GRAMD1C: variants seen among roughly 807,000 people sequenced by gnomAD.
GRAMD1C encodes protein Aster-C.
A neutral mutation model predicts 97.8 loss-of-function variants in GRAMD1C; 89 were observed. The observed-to-expected ratio is 0.91, with a 90% confidence interval of 0.77 to 1.09. The LOEUF is 1.09. Ranked by LOEUF, GRAMD1C falls within the 50% of genes least tolerant of loss-of-function variation. The probability of loss-of-function intolerance (pLI) is 0.00; values close to 1 mark genes in which losing one functional copy is unlikely to be tolerated. For synonymous variants in GRAMD1C, 256 were observed against 267.0 expected, an observed-to-expected ratio of 0.96 and a Z score of 0.40; for missense variants, 740 against 766.4, an observed-to-expected ratio of 0.97 and a Z score of 0.41.
At chr3:113,881,930 T>C (rs938361420) in intron 5 of GRAMD1C, among the ~76,000 whole-genome samples, 1 of 152,180 alleles carries the variant, frequency 6.6e-6, no homozygotes, top group Non-Finnish European at 1.5e-5. Flanking sequence ...GTGAAAATCA[T>C]TAGCATCCAA....
intron 4 of GRAMD1C, 66 bp from the exon 5 acceptor site, chr3:113,876,099 A>C: frequency 1.3e-6 from 1 of 744,108 alleles, no homozygotes; most frequent in East Asian, 2.5e-5. Flanking sequence ...GATTGATGGG[A>C]TACTTGGCAT....
At chr3:113,907,591 C>T (rs1445008037) in intron 8 of GRAMD1C, among the ~76,000 whole-genome samples, 2 of 151,958 alleles carry the variant, frequency 1.3e-5, no homozygotes, top group African/African-American at 4.8e-5. Flanking sequence ...CTTGCTTTGC[C>T]TCATTTTCAC....
chr3:113,882,027 G>A (rs568247286), intron 5 of GRAMD1C, among the ~76,000 whole-genome samples: 54 of 152,112 alleles, frequency 3.6e-4, no homozygotes, highest in South Asian at 1.2e-3. Context: ...TAACTGCTGA[G>A]CCATGAAAGG....
At chr3:113,925,547 G>A (rs1315063975) in intron 10 of GRAMD1C, among the ~76,000 whole-genome samples, 1 of 152,178 alleles carries the variant, frequency 6.6e-6, no homozygotes, top group Non-Finnish European at 1.5e-5. Flanking sequence ...ACTTTCCACT[G>A]CCTTTTAATT....
chr3:113,874,735 A>G (rs1934961475), intron 3 of GRAMD1C, among the ~76,000 whole-genome samples: 1 of 152,130 alleles, frequency 6.6e-6, no homozygotes, highest in Non-Finnish European at 1.5e-5. Flanking sequence ...CTAACATCTA[A>G]TCAATCACCA....
intron 13 of GRAMD1C, among the ~76,000 whole-genome samples, chr3:113,935,673 T>C (rs950999247): frequency 6.6e-6 from 1 of 151,938 alleles, no homozygotes; most frequent in Non-Finnish European, 1.5e-5. Context: ...TTGCCTTTCT[T>C]CCTTGTCTAT....
chr3:113,930,154 T>C (rs980097614), intron 10 of GRAMD1C, among the ~76,000 whole-genome samples: 2 of 152,228 alleles, frequency 1.3e-5, no homozygotes, highest in African/African-American at 4.8e-5. Context: ...TATGATCTTA[T>C]AGTCTTCTTA....
chr3:113,835,944 C>T (rs1214443391), upstream of GRAMD1C, among the ~76,000 whole-genome samples: 2 of 152,110 alleles, frequency 1.3e-5, no homozygotes, highest in Non-Finnish European at 2.9e-5. Flanking sequence ...AGTAATTTGT[C>T]CTTTAGTATG....
In GRAMD1C at chr3:113,860,917, G is replaced by A. The variant is rs556149344; in HGVS notation, c.175-8590G>A. On this transcript the variant is annotated intron_variant, in intron 2 of 17. Coordinates refer to ENST00000358160, the MANE Select transcript of GRAMD1C (RefSeq NM_017577.5). ...GGAGGCAGAGGTTGCAGTGAGCCGA[G>A]ATCATGCCATTGCACTACAGCCTGG... Among the ~76,000 whole-genome samples the A allele has an allele frequency of 7.3e-4, 110 of 150,100 alleles. No homozygotes were observed. The South Asian group carries it at 0.023, about 31-fold the overall frequency.
chr3:113,941,854 G>C (rs2107385868), intron 17 of GRAMD1C, among the ~76,000 whole-genome samples: 1 of 152,032 alleles, frequency 6.6e-6, no homozygotes, highest in East Asian at 1.9e-4. Flanking sequence ...CTCGACCTCA[G>C]GTGATCCTCT....
intron 2 of GRAMD1C, among the ~76,000 whole-genome samples, chr3:113,863,566 T>C (rs1934477535): frequency 6.6e-6 from 1 of 152,218 alleles, no homozygotes; most frequent in Non-Finnish European, 1.5e-5. Flanking sequence ...TTGCACAGTT[T>C]TGTGAGTATA....
At chr3:113,945,335 A>C in intron 17 of GRAMD1C, 63 bp from the exon 18 acceptor site, 7 of 1,054,590 alleles carry the variant, frequency 6.6e-6, no homozygotes, top group Non-Finnish European at 1.0e-5. Flanking sequence ...GGCATAAAAA[A>C]CAGAAATTTT....
chr3:113,907,804 A>G (rs140560492), intron 8 of GRAMD1C, among the ~76,000 whole-genome samples: 3 of 152,320 alleles, frequency 2.0e-5, no homozygotes, highest in Non-Finnish European at 4.4e-5. Context: ...TATTCTTTAT[A>G]GTAGGAAATA....
At chr3:113,887,055 C>T (rs1577165781) in intron 6 of GRAMD1C, among the ~76,000 whole-genome samples, 1 of 144,582 alleles carries the variant, frequency 6.9e-6, no homozygotes, top group Admixed American at 7.1e-5. Flanking sequence ...GCTGGGATTA[C>T]AGGCATGAGC....
chr3:113,858,675 T>C (rs2107348872), intron 2 of GRAMD1C, among the ~76,000 whole-genome samples: 1 of 152,242 alleles, frequency 6.6e-6, no homozygotes, highest in South Asian at 2.1e-4. Context: ...ATTACAGGCG[T>C]GAGCCACTGC....
intron 3 of GRAMD1C, among the ~76,000 whole-genome samples, chr3:113,870,990 C>G (rs1934782297): frequency 1.8e-5 from 1 of 56,222 alleles, no homozygotes; most frequent in Non-Finnish European, 4.2e-5. Flanking sequence ...CACACACACA[C>G]ACACACACAC....
chr3:113,888,036 C>T (rs1935581650), intron 6 of GRAMD1C, among the ~76,000 whole-genome samples: 1 of 151,946 alleles, frequency 6.6e-6, no homozygotes, highest in Non-Finnish European at 1.5e-5. Context: ...GCCCAGGTGG[C>T]TTCATTGGTG....
intron 6 of GRAMD1C, among the ~76,000 whole-genome samples, chr3:113,883,540 A>C (rs1559793519): frequency 2.0e-5 from 3 of 151,664 alleles, no homozygotes; most frequent in Non-Finnish European, 4.4e-5. Context: ...AAAAAAAAAA[A>C]CAACCATGAT....
intron 11 of GRAMD1C, among the ~76,000 whole-genome samples, chr3:113,933,064 T>C (rs1049936321): frequency 6.6e-6 from 1 of 152,098 alleles, no homozygotes; most frequent in African/African-American, 2.4e-5. Context: ...TTTGTATTTT[T>C]AAGAGAGACG....
Sources: gnomAD v4.1 joint callset for allele counts (sites outside exome capture counted in the v4.1 genomes callset) on GRCh38, gnomAD v4.1.1 for gene constraint, MANE v1.5 for transcripts, NCBI Gene and HGNC (gene_info 2026-07-23, HGNC 2026-07-21) for gene names.